Variants in GNPDA2 observed in about 807,000 individuals in gnomAD.
The protein encoded by GNPDA2 is glcN6P deaminase 2.
Under a neutral mutation model 27.0 loss-of-function variants are expected in GNPDA2, and 24 were observed. That is an observed-to-expected ratio of 0.89 (90% CI 0.64 to 1.25). The LOEUF (loss-of-function observed/expected upper bound fraction) is 1.25, where lower values mean the gene tolerates loss of function less well. Among genes scored for constraint, GNPDA2 ranks in the 50% most tolerant of loss-of-function variants. The probability of loss-of-function intolerance (pLI) is 0.00; values close to 1 mark genes in which losing one functional copy is unlikely to be tolerated. For synonymous variants in GNPDA2, 94 were observed against 108.4 expected (o/e 0.87, Z 0.83); for missense variants, 286 against 335.1 (o/e 0.85, Z 1.14).
At chr4:44,720,038 G>C (rs1213057808) in intron 2 of GNPDA2, among the ~76,000 whole-genome samples, 1 of 152,066 alleles carries the variant, frequency 6.6e-6, no homozygotes, top group Admixed American at 6.6e-5. Flanking sequence ...AATCTTGCGA[G>C]TTGGAAGAAC....
At chr4:44,710,120 T>A (rs538872035) in intron 5 of GNPDA2, among the ~76,000 whole-genome samples, 1 of 152,214 alleles carries the variant, frequency 6.6e-6, no homozygotes, top group African/African-American at 2.4e-5. Flanking sequence ...TTTCAACTTA[T>A]TGACTATGAA....
chr4:44,717,151 T>C lies in GNPDA2; in HGVS notation c.371A>G (p.Lys124Arg). 1.9e-6 allele frequency: 3 copies of C among 1,609,510 alleles called. No individual in the cohort carries two copies. Among genetic ancestry groups the C allele is most frequent in the Non-Finnish European group, 2.5e-6 (3 of 1,178,112 alleles). The change falls in exon 4 of 7, where the codon AAA (lysine) becomes AGA (arginine). Residue 124 changes from lysine (K) to arginine (R), a missense_variant. Physicochemically the swap from Lys to Arg is conservative, Grantham distance 26. Transcript: ENST00000295448. ...ATCTATTCCTCCAGCTTCTTTTATTTTGTTTTCAAAAGCATCACATTCTGC... is the reference window on the plus strand; with the variant it reads ...ATCTATTCCTCCAGCTTCTTTTATTCTGTTTTCAAAAGCATCACATTCTGC... Reference protein sequence around the residue: ...LQAECDAFENKIKEAGGIDLF... With the variant: ...LQAECDAFENRIKEAGGIDLF...
intron 5 of GNPDA2, among the ~76,000 whole-genome samples, chr4:44,709,627 A>T (rs1011713807): frequency 2.0e-5 from 3 of 152,166 alleles, no homozygotes; most frequent in African/African-American, 7.2e-5. Context: ...AGCTAATTTT[A>T]AAGAATAATC....
chr4:44,702,948 CAT>C lies in GNPDA2; in HGVS notation c.*131_*132del. The C allele has an allele frequency of 7.9e-6, 12 of 1,509,890 alleles. No individual in the cohort carries two copies. The highest frequency in any genetic ancestry group is 1.3e-5 in the South Asian group (1 of 77,180). The allele number at this position is 1,509,890 out of a possible 1,614,324, so 93.5% of individuals were successfully genotyped here. A position where few individuals can be genotyped will look rare whatever the true frequency, so the allele number is the denominator to read the frequency against. Reference sequence around the variant, plus strand: ...AATATTCAAAATATGGAATGTTTAACATAGAGACTCGAATGAAAAAATGACAA... The same window carrying C: ...AATATTCAAAATATGGAATGTTTAACAGAGACTCGAATGAAAAAATGACAA... On this transcript the variant is annotated 3_prime_UTR_variant, in exon 7 of 7. Transcript: ENST00000295448.
In GNPDA2 at chr4:44,707,759, G is replaced by A. The variant is rs762480379; in HGVS notation, c.762C>T (p.Tyr254=). 7 of 1,611,996 alleles carry A rather than the reference G, an allele frequency of 4.3e-6. No individual in the cohort carries two copies. Among genetic ancestry groups the A allele is most frequent in the Non-Finnish European group, 5.9e-6 (7 of 1,178,840 alleles). ...TLELRVKTVK[Y]FKGLMHVHNK... Reference sequence around the variant, plus strand: ...TTGAAATTCAGTGCTCACCTTTAAAGTATTTCACAGTTTTAACTCTTAATT... The same window carrying A: ...TTGAAATTCAGTGCTCACCTTTAAAATATTTCACAGTTTTAACTCTTAATT... Residue 254 remains tyrosine, a synonymous_variant, in exon 6 of 7, where the codon TAC becomes TAT. Transcript: ENST00000295448.
At chr4:44,706,459 T>C (rs953244284) in intron 6 of GNPDA2, 1 of 151,958 alleles carries the variant, frequency 6.6e-6, no homozygotes, top group African/African-American at 2.4e-5. Context: ...CAGCATTTTG[T>C]TTAAAAATAG....
At chr4:44,721,982 C>T in intron 2 of GNPDA2, 102 bp downstream of exon 2, 1 of 861,530 alleles carries the variant, frequency 1.2e-6, no homozygotes, top group Non-Finnish European at 1.8e-6. Context: ...AGTGACATGC[C>T]AATAAATGAA....
At chr4:44,717,053 A>G (rs1717341609) in intron 4 of GNPDA2, 60 bp downstream of exon 4, 1 of 1,234,358 alleles carries the variant, frequency 8.1e-7, no homozygotes, top group South Asian at 1.4e-5. Flanking sequence ...TATTTTTTAA[A>G]TTTAAAAATC....
chr4:44,716,409 G>A (rs950767997), intron 4 of GNPDA2, among the ~76,000 whole-genome samples: 5 of 151,784 alleles, frequency 3.3e-5, no homozygotes, highest in Admixed American at 1.3e-4. Context: ...AGTTGATGTT[G>A]AACTATTCTT....
intron 4 of GNPDA2, among the ~76,000 whole-genome samples, chr4:44,715,111 C>A (rs1200672609): frequency 6.6e-6 from 1 of 151,946 alleles, no homozygotes; most frequent in Non-Finnish European, 1.5e-5. Context: ...AGAAACATAA[C>A]CCCCTCCCAA....
intron 6 of GNPDA2, chr4:44,705,555 A>G (rs1716546236): frequency 1.5e-6 from 1 of 650,964 alleles, no homozygotes; most frequent in African/African-American, 2.0e-5. Flanking sequence ...ATACATATAA[A>G]CATCTACCAC....
chr4:44,716,847 G>A (rs1254413680), intron 4 of GNPDA2, among the ~76,000 whole-genome samples: 2 of 151,772 alleles, frequency 1.3e-5, no homozygotes, highest in African/African-American at 2.4e-5. Flanking sequence ...CTTTAAAGAG[G>A]TAATTAACAG....
chr4:44,723,138 C>T (rs975133299), intron 1 of GNPDA2, among the ~76,000 whole-genome samples: 4 of 152,118 alleles, frequency 2.6e-5, no homozygotes, highest in African/African-American at 9.7e-5. Context: ...TTAAAAGCTA[C>T]ATAATTCCAT....
chr4:44,710,867 A>G, intron 5 of GNPDA2, 86 bp downstream of exon 5: 3 of 1,095,642 alleles, frequency 2.7e-6, no homozygotes, highest in Non-Finnish European at 3.8e-6. Flanking sequence ...TGCAATCAAA[A>G]TATCACTTAT....
intron 4 of GNPDA2, among the ~76,000 whole-genome samples, chr4:44,715,399 A>G (rs552631742): frequency 6.6e-6 from 1 of 152,170 alleles, no homozygotes; most frequent in African/African-American, 2.4e-5. Context: ...CTACAAATGA[A>G]GATATTTTCA....
intron 6 of GNPDA2, chr4:44,707,339 C>G (rs1716668330): frequency 4.9e-6 from 1 of 202,568 alleles, no homozygotes; most frequent in South Asian, 1.9e-4. Context: ...AGTGGGAGAT[C>G]TCTTATCCAC....
At chr4:44,720,921 A>C (rs1257734326) in intron 2 of GNPDA2, among the ~76,000 whole-genome samples, 5 of 152,114 alleles carry the variant, frequency 3.3e-5, no homozygotes, top group African/African-American at 9.7e-5. Context: ...CATAATTAAC[A>C]CAATGTTATT....
intron 6 of GNPDA2, chr4:44,707,421 A>C (rs1312135669): frequency 3.0e-6 from 1 of 330,990 alleles, no homozygotes; most frequent in Non-Finnish European, 5.4e-6. Flanking sequence ...AAACATGAAA[A>C]GAAATCCAGA....
At chr4:44,716,205 TAATC>T (rs1717271684) in intron 4 of GNPDA2, among the ~76,000 whole-genome samples, 1 of 151,918 alleles carries the variant, frequency 6.6e-6, no homozygotes, top group Non-Finnish European at 1.5e-5. Context: ...CCCCCAATGA[TAATC>T]AACTATCTCA....
Sources: allele counts gnomAD v4.1 joint callset (sites outside exome capture counted in the v4.1 genomes callset), GRCh38; gene constraint gnomAD v4.1.1; transcripts MANE v1.5; gene names NCBI Gene and HGNC (gene_info 2026-07-23, HGNC 2026-07-21).